Variants in SYNE2 observed in about 807,000 individuals in gnomAD.
SYNE2 encodes spectrin repeat containing nuclear envelope protein 2, also known as nesprin-2.
In SYNE2, 431 loss-of-function variants were observed where a neutral mutation model predicts 856.3. That is an observed-to-expected ratio of 0.50 (90% CI 0.47 to 0.55). The LOEUF (loss-of-function observed/expected upper bound fraction) is 0.55. Among genes scored for constraint, SYNE2 ranks in the 20% least tolerant of loss-of-function variants. SYNE2 has a pLI of 0.00. For missense variants in SYNE2, 8,129 were observed against 8,023.2 expected (o/e 1.01, Z -0.50); for synonymous variants, 2,923 against 2,872.3 (o/e 1.02, Z -0.56).
intron 9 of SYNE2, among the ~76,000 whole-genome samples, chr14:63,963,274 T>C (rs924715003): frequency 3.3e-4 from 50 of 152,296 alleles, no homozygotes; most frequent in Admixed American, 2.2e-3. Flanking sequence ...CAACTGTCCA[T>C]GAAATTGAGT....
intron 100 of SYNE2, among the ~76,000 whole-genome samples, chr14:64,207,172 A>G (rs1402565105): frequency 6.6e-6 from 1 of 152,228 alleles, no homozygotes; most frequent in Non-Finnish European, 1.5e-5. Context: ...ACTCGGGATC[A>G]GTGTTAGGAA....
Position 64,119,393 on chromosome 14 carries a change from AC to A in SYNE2, c.12841-33del, listed in dbSNP as rs762438536. ...CAGGCACAATACTTCTTCAAGAACA[AC>A]ATTATGAATAATTAAATGCTTTTAT... On this transcript the variant is annotated intron_variant, in intron 66 of 115. Coordinates refer to ENST00000555002, the MANE Select transcript of SYNE2 (RefSeq NM_182914.3). 38 of 1,612,866 alleles carry A rather than the reference AC, an allele frequency of 2.4e-5. No individual in the cohort carries two copies. The South Asian group carries it at 4.0e-4, about 17-fold the overall frequency.
upstream of SYNE2, among the ~76,000 whole-genome samples, chr14:63,850,930 A>G (rs1262070596): frequency 6.6e-6 from 1 of 152,254 alleles, no homozygotes; most frequent in Non-Finnish European, 1.5e-5. Context: ...CATAGAATGG[A>G]AATGAATAGA....
intron 2 of SYNE2, among the ~76,000 whole-genome samples, chr14:63,913,054 C>G (rs1397767834): frequency 1.3e-5 from 2 of 152,140 alleles, no homozygotes; most frequent in Non-Finnish European, 2.9e-5. Context: ...CCACCTCGGC[C>G]TCCCAAGTAG....
At chr14:64,023,071 T>C in intron 38 of SYNE2, 1 of 549,666 alleles carries the variant, frequency 1.8e-6, no homozygotes, top group Non-Finnish European at 3.3e-6. Context: ...TTCACCAAGC[T>C]CATGGTGAAA....
intron 1 of SYNE2, among the ~76,000 whole-genome samples, chr14:63,882,371 G>A (rs941330595): frequency 1.3e-5 from 2 of 152,056 alleles, no homozygotes; most frequent in African/African-American, 4.8e-5. Context: ...TCAGGTCAAG[G>A]AATTTCTATC....
At chr14:64,158,017 T>C (rs557091276) in intron 85 of SYNE2, among the ~76,000 whole-genome samples, 1 of 152,348 alleles carries the variant, frequency 6.6e-6, no homozygotes, top group South Asian at 2.1e-4. Context: ...GCTTGGACTT[T>C]TTTCATCATT....
intron 45 of SYNE2, chr14:64,034,677 A>G (rs1003155156): frequency 9.0e-6 from 4 of 445,072 alleles, no homozygotes; most frequent in Non-Finnish European, 1.6e-5. Flanking sequence ...AAGAAGTTGC[A>G]AAATTCAGTA....
chr14:64,007,974 T>C (rs1013428731), intron 31 of SYNE2, among the ~76,000 whole-genome samples: 2 of 152,134 alleles, frequency 1.3e-5, no homozygotes, highest in Non-Finnish European at 2.9e-5. Flanking sequence ...AGCACCACCG[T>C]ACTTCAGAGT....
chr14:64,009,426 C>T (rs550351385), intron 31 of SYNE2, among the ~76,000 whole-genome samples: 5 of 150,272 alleles, frequency 3.3e-5, no homozygotes, highest in Admixed American at 1.3e-4. Flanking sequence ...ATCCTAGCTA[C>T]TTGGGAGGCT....
At chr14:64,199,713 CA>C (rs34710996) in intron 99 of SYNE2, among the ~76,000 whole-genome samples, 21,908 of 66,340 alleles carry the variant, frequency 0.33, 1,214 homozygotes, top group Middle Eastern at 0.38. Flanking sequence ...GACTCTGTCT[CA>C]AAAAAAAAAA....
chr14:63,938,409 G>GCAA (rs1192448816), intron 2 of SYNE2, among the ~76,000 whole-genome samples: 1 of 152,196 alleles, frequency 6.6e-6, no homozygotes, highest in Non-Finnish European at 1.5e-5. Flanking sequence ...TCCAGCTTGA[G>GCAA]CAACAGAGTG....
chr14:63,774,548 T>C (rs1887042152), intron 1 of SYNE2, among the ~76,000 whole-genome samples: 1 of 151,880 alleles, frequency 6.6e-6, no homozygotes, highest in Non-Finnish European at 1.5e-5. Context: ...TTTTTTTTCT[T>C]TTTTGAGACA....
rs759411356 is a variant in SYNE2, at chr14:64,218,531, A to G, written c.19657+19A>G. 3.9e-5 allele frequency: 62 copies of G among 1,609,906 alleles called. No homozygotes were observed. The highest frequency in any genetic ancestry group is 5.2e-5 in the Non-Finnish European group (61 of 1,177,022). On this transcript the variant is annotated intron_variant, in intron 109 of 115. Transcript: ENST00000555002. ...CAGTCAGGTACTGCCTGTAACTGGC[A>G]GTCGTCCAGAGAGGCAGAGTATGGT...
intron 1 of SYNE2, among the ~76,000 whole-genome samples, chr14:63,874,306 A>C (rs1417778327): frequency 6.6e-6 from 1 of 152,280 alleles, no homozygotes; most frequent in East Asian, 1.9e-4. Context: ...GGAGCATTGC[A>C]TCTGATTTCC....
rs775698210 is a variant in SYNE2, at chr14:64,162,161, G to A, written c.16184G>A (p.Gly5395Asp). 6.8e-6 allele frequency: 11 copies of A among 1,614,230 alleles called. No individual in the cohort carries two copies. The highest frequency in any genetic ancestry group is 9.3e-6 in the Non-Finnish European group (11 of 1,180,032). The change falls in exon 88 of 116, where the codon GGT (glycine) becomes GAT (aspartate). Residue 5395 changes from glycine (G) to aspartate (D), a missense_variant. Transcript: ENST00000555002. ...TGGAAGGCCTATAGCAATGCTCATG[G>A]TGAAGCTGCCGCAAGGCTGAAGCAG... is the stretch of plus-strand genomic sequence containing the variant. ...QLWKAYSNAH[G>D]EAAARLKQQE...
At chr14:63,946,943 G>A (rs2096042178) in intron 6 of SYNE2, among the ~76,000 whole-genome samples, 1 of 151,764 alleles carries the variant, frequency 6.6e-6, no homozygotes. Flanking sequence ...TCTGTCTCCT[G>A]GGTTCAAGTG....
chr14:64,073,088 T>C (rs1365132566), intron 52 of SYNE2, among the ~76,000 whole-genome samples: 1 of 152,116 alleles, frequency 6.6e-6, no homozygotes, highest in Non-Finnish European at 1.5e-5. Context: ...TTGGGTTTTT[T>C]TATGGAGACT....
intron 1 of SYNE2, among the ~76,000 whole-genome samples, chr14:63,882,426 T>A (rs897207756): frequency 2.0e-5 from 3 of 152,084 alleles, no homozygotes; most frequent in Non-Finnish European, 2.9e-5. Flanking sequence ...ATGAGTAACA[T>A]GTGGAGGCCG....
Sources: allele counts gnomAD v4.1 joint callset (sites outside exome capture counted in the v4.1 genomes callset), GRCh38; gene constraint gnomAD v4.1.1; transcripts MANE v1.5; gene names NCBI Gene and HGNC (gene_info 2026-07-23, HGNC 2026-07-21).